PLCB1: variants seen among roughly 807,000 people sequenced by gnomAD.
PLCB1 encodes 1-phosphatidylinositol 4,5-bisphosphate phosphodiesterase beta-1.
A neutral mutation model predicts 161.8 loss-of-function variants in PLCB1; 46 were observed. That is an observed-to-expected ratio of 0.28 (90% CI 0.22 to 0.36). The LOEUF is 0.36. Ranked by LOEUF, PLCB1 falls within the 10% of genes least tolerant of loss-of-function variation. The pLI is 1.00. For synonymous variants in PLCB1, 517 were observed against 503.7 expected (o/e 1.03, Z -0.35); for missense variants, 1,016 against 1,472.5 (o/e 0.69, Z 5.07).
chr20:8,521,933 T>C (rs1357828943), intron 3 of PLCB1, among the ~76,000 whole-genome samples: 1 of 152,196 alleles, frequency 6.6e-6, no homozygotes, highest in Non-Finnish European at 1.5e-5. Context: ...CCTTCTTTCT[T>C]AACATCAGAT....
intron 2 of PLCB1, among the ~76,000 whole-genome samples, chr20:8,223,728 T>C (rs1979533796): frequency 6.6e-6 from 1 of 152,140 alleles, no homozygotes; most frequent in Non-Finnish European, 1.5e-5. Flanking sequence ...TTCAAACACA[T>C]GCGTGCAGAT....
At chr20:8,742,310 G>T (rs1980922362) in intron 23 of PLCB1, among the ~76,000 whole-genome samples, 1 of 151,908 alleles carries the variant, frequency 6.6e-6, no homozygotes, top group Non-Finnish European at 1.5e-5. Flanking sequence ...AAAAACTCGA[G>T]AAAAAAGATA....
chr20:8,208,827 G>A (rs1978668828), intron 2 of PLCB1, among the ~76,000 whole-genome samples: 1 of 152,056 alleles, frequency 6.6e-6, no homozygotes, highest in Non-Finnish European at 1.5e-5. Context: ...TCAGATAAAA[G>A]TGTGCAAAAT....
At chr20:8,621,589 C>A (rs1282424020) in intron 3 of PLCB1, among the ~76,000 whole-genome samples, 1 of 152,178 alleles carries the variant, frequency 6.6e-6, no homozygotes, top group East Asian at 1.9e-4. Context: ...ATTTTGATTT[C>A]TCATATGCAT....
At chr20:8,380,529 A>C (rs531458930) in intron 3 of PLCB1, among the ~76,000 whole-genome samples, 36 of 152,288 alleles carry the variant, frequency 2.4e-4, no homozygotes, top group African/African-American at 7.2e-4. Flanking sequence ...TCTATAAATT[A>C]TTTTGGGCAG....
At chr20:8,188,766 A>G (rs1035018624) in intron 2 of PLCB1, among the ~76,000 whole-genome samples, 3 of 152,152 alleles carry the variant, frequency 2.0e-5, no homozygotes, top group Admixed American at 6.6e-5. Context: ...TTAGGGTCTT[A>G]TAAAATGTGC....
At chr20:8,448,079 A>G (rs905476815) in intron 3 of PLCB1, among the ~76,000 whole-genome samples, 5 of 152,212 alleles carry the variant, frequency 3.3e-5, no homozygotes, top group African/African-American at 7.2e-5. Context: ...GTGTCATACA[A>G]TAGTCTTCTG....
At chr20:8,832,627 G>T (rs567815444) in intron 31 of PLCB1, among the ~76,000 whole-genome samples, 1 of 152,310 alleles carries the variant, frequency 6.6e-6, no homozygotes, top group South Asian at 2.1e-4. Context: ...TCTTGAGCCA[G>T]ATTATAGGAA....
At chr20:8,605,893 G>T (rs1320216595) in intron 3 of PLCB1, among the ~76,000 whole-genome samples, 1 of 151,788 alleles carries the variant, frequency 6.6e-6, no homozygotes, top group African/African-American at 2.4e-5. Context: ...GAGAACATGT[G>T]GTATATGATT....
chr20:8,440,291 A>G (rs886906363), intron 3 of PLCB1, among the ~76,000 whole-genome samples: 8 of 152,190 alleles, frequency 5.3e-5, no homozygotes, highest in Non-Finnish European at 8.8e-5. Context: ...AGGTTCAAAC[A>G]TTTGTGACTC....
At chr20:8,485,166 T>C (rs933640435) in intron 3 of PLCB1, among the ~76,000 whole-genome samples, 5 of 152,204 alleles carry the variant, frequency 3.3e-5, no homozygotes, top group African/African-American at 7.2e-5. Flanking sequence ...GATACTCTTA[T>C]TGTGGTCCAA....
intron 17 of PLCB1, 65 bp downstream of exon 17, chr20:8,727,458 T>C (rs913433696): frequency 1.7e-5 from 16 of 931,356 alleles, no homozygotes; most frequent in East Asian, 2.4e-5. Context: ...ATTTGTTCAT[T>C]TGGTTTTTTA....
At chr20:8,549,446 G>T in intron 3 of PLCB1, among the ~76,000 whole-genome samples, 1 of 152,172 alleles carries the variant, frequency 6.6e-6, no homozygotes, top group East Asian at 1.9e-4. Flanking sequence ...TTCCTGATAA[G>T]TTTGGTTCTG....
intron 10 of PLCB1, among the ~76,000 whole-genome samples, chr20:8,696,320 G>A (rs183124951): frequency 2.0e-4 from 31 of 152,224 alleles, no homozygotes; most frequent in Admixed American, 5.9e-4. Flanking sequence ...TAAATTGAGG[G>A]TTTATTTTGG....
intron 3 of PLCB1, among the ~76,000 whole-genome samples, chr20:8,535,278 A>G (rs772008696): frequency 1.3e-5 from 2 of 151,122 alleles, no homozygotes; most frequent in Non-Finnish European, 2.9e-5. Flanking sequence ...TATAGTTAAC[A>G]TATACTATTT....
intron 4 of PLCB1, among the ~76,000 whole-genome samples, chr20:8,632,040 T>TG (rs1568537437): frequency 1.0e-4 from 3 of 30,080 alleles, no homozygotes; most frequent in Non-Finnish European, 1.5e-4. Context: ...TTTTGCTTTT[T>TG]TTTTTTTTTT....
intron 2 of PLCB1, among the ~76,000 whole-genome samples, chr20:8,213,803 C>T (rs181681131): frequency 6.6e-6 from 1 of 151,778 alleles, no homozygotes; most frequent in Non-Finnish European, 1.5e-5. Flanking sequence ...TCTTGCTTAT[C>T]TTGTATGACT....
chr20:8,177,917 C>T (rs1276942508), intron 2 of PLCB1, among the ~76,000 whole-genome samples: 1 of 152,078 alleles, frequency 6.6e-6, no homozygotes, highest in East Asian at 1.9e-4. Flanking sequence ...CAATGTTTAG[C>T]TCCCACTTAT....
intron 2 of PLCB1, among the ~76,000 whole-genome samples, chr20:8,171,218 C>T: frequency 6.6e-6 from 1 of 151,856 alleles, no homozygotes; most frequent in East Asian, 1.9e-4. Flanking sequence ...GTTTAATATA[C>T]ATAAAATATA....
Sources: allele counts gnomAD v4.1 joint callset (sites outside exome capture counted in the v4.1 genomes callset), GRCh38; gene constraint gnomAD v4.1.1; transcripts MANE v1.5; gene names NCBI Gene and HGNC (gene_info 2026-07-23, HGNC 2026-07-21).